Variants in ATP10B observed in about 807,000 individuals in gnomAD.
ATP10B encodes the protein phospholipid-transporting ATPase VB.
In ATP10B, 122 loss-of-function variants were observed where a neutral mutation model predicts 141.2. The ratio of observed to expected loss-of-function variants is 0.86; its 90% CI spans 0.75 to 1.00. ATP10B has a LOEUF of 1.00. ATP10B is among the 50% of genes least tolerant of loss of function. The pLI is 0.00. For missense variants in ATP10B, 1,876 were observed against 1,825.3 expected (o/e 1.03, Z -0.51); for synonymous variants, 685 against 692.0 (o/e 0.99, Z 0.16).
intron 6 of ATP10B, among the ~76,000 whole-genome samples, chr5:160,676,494 C>T (rs929186158): frequency 6.6e-5 from 10 of 152,162 alleles, no homozygotes; most frequent in Non-Finnish European, 1.3e-4. Context: ...TCCTAATTGT[C>T]GTGTGCATCT....
At chr5:160,783,862 G>A (rs948710017) in intron 2 of ATP10B, among the ~76,000 whole-genome samples, 1 of 151,966 alleles carries the variant, frequency 6.6e-6, no homozygotes, top group Non-Finnish European at 1.5e-5. Flanking sequence ...CAGTGTAGAA[G>A]TGTTCCCTGT....
chr5:160,759,913 G>C (rs1457887792), intron 2 of ATP10B, among the ~76,000 whole-genome samples: 1 of 152,144 alleles, frequency 6.6e-6, no homozygotes, highest in Non-Finnish European at 1.5e-5. Flanking sequence ...GAATTTGCTT[G>C]TCAATAGGAA....
At chr5:160,732,679 C>A (rs1002985656) in intron 2 of ATP10B, among the ~76,000 whole-genome samples, 1 of 152,102 alleles carries the variant, frequency 6.6e-6, no homozygotes, top group East Asian at 1.9e-4. Context: ...ATACCAATAC[C>A]TGCTGTTTCA....
intron 5 of ATP10B, chr5:160,686,883 G>T: frequency 1.1e-6 from 1 of 891,784 alleles, no homozygotes; most frequent in Non-Finnish European, 1.3e-6. Flanking sequence ...ACAATATTGA[G>T]GGTGATATAT....
In ATP10B at chr5:160,691,074, G is replaced by C. The variant is rs553682126; in HGVS notation, c.-204-2131C>G. Among the ~76,000 whole-genome samples the C allele has an allele frequency of 1.6e-4, 25 of 152,236 alleles. 1 individual carries two copies. The highest frequency in any genetic ancestry group is 5.8e-4 in the African/African-American group (24 of 41,546). Reference sequence around the variant, plus strand: ...CTTTGTAGGGACATGGATGAAGCTGGAAACCATCATTCTCAGCAAACTAAC... The same window carrying C: ...CTTTGTAGGGACATGGATGAAGCTGCAAACCATCATTCTCAGCAAACTAAC... On this transcript the variant is annotated intron_variant, in intron 3 of 25. Transcript: ENST00000327245.
intron 1 of ATP10B, among the ~76,000 whole-genome samples, chr5:160,805,420 G>A (rs1021969466): frequency 6.6e-6 from 1 of 152,192 alleles, no homozygotes; most frequent in East Asian, 1.9e-4. Context: ...GTGTCTTAAA[G>A]AAGCTATTTA....
intron 7 of ATP10B, among the ~76,000 whole-genome samples, chr5:160,668,193 G>C (rs983660075): frequency 7.3e-6 from 1 of 136,408 alleles, no homozygotes; most frequent in African/African-American, 2.8e-5. Context: ...TTGTGCCACC[G>C]TACTCTAGCT....
chr5:160,805,762 G>T (rs1323005753), intron 1 of ATP10B, among the ~76,000 whole-genome samples: 1 of 152,170 alleles, frequency 6.6e-6, no homozygotes, highest in Non-Finnish European at 1.5e-5. Flanking sequence ...TGAGCAGCCG[G>T]CTCCAGATTT....
intron 1 of ATP10B, among the ~76,000 whole-genome samples, chr5:160,823,065 C>G (rs1168917775): frequency 7.6e-6 from 1 of 131,624 alleles, no homozygotes; most frequent in Non-Finnish European, 1.6e-5. Context: ...GATTGTAACA[C>G]AAAGGATAAA....
rs576196303 is a variant in ATP10B, at chr5:160,817,236, T to C, written c.-575-31433A>G. 8.9e-3 allele frequency among the ~76,000 whole-genome samples: 1,350 copies of C among 152,306 alleles called. 18 individuals carry two copies. Among genetic ancestry groups the C allele is most frequent in the African/African-American group, 0.025 (1,031 of 41,558 alleles). ...TGGTCCCTGTTTGCAGATGACATGA[T>C]TGTATATCTAGAAAACTCCATTGTC... On this transcript the variant is annotated intron_variant, in intron 1 of 25. Transcript: ENST00000327245.
chr5:160,826,225 A>G (rs945065219), intron 1 of ATP10B, among the ~76,000 whole-genome samples: 2 of 152,096 alleles, frequency 1.3e-5, no homozygotes, highest in African/African-American at 2.4e-5. Flanking sequence ...GTTTTGAGCA[A>G]TCTCCAAACT....
the ATP10B span, among the ~76,000 whole-genome samples, chr5:160,895,738 A>C: frequency 6.6e-6 from 1 of 152,232 alleles, no homozygotes; most frequent in Non-Finnish European, 1.5e-5. Flanking sequence ...AAATCAACAG[A>C]ATATACATTC....
chr5:160,603,632 C>T (rs1757221050), intron 20 of ATP10B: 1 of 305,454 alleles, frequency 3.3e-6, no homozygotes, highest in East Asian at 6.3e-5. Context: ...TCAATGCTCT[C>T]TATCCTCATC....
At chr5:160,789,333 A>G (rs1771402089) in intron 1 of ATP10B, among the ~76,000 whole-genome samples, 1 of 152,160 alleles carries the variant, frequency 6.6e-6, no homozygotes, top group Non-Finnish European at 1.5e-5. Context: ...TGTAAACACC[A>G]TAGAGTGAAC....
intron 24 of ATP10B, among the ~76,000 whole-genome samples, chr5:160,584,839 A>T (rs1490810459): frequency 5.9e-5 from 9 of 152,168 alleles, no homozygotes; most frequent in Non-Finnish European, 1.3e-4. Context: ...TTAATAGTGT[A>T]GCTTTTCTAG....
At chr5:160,728,707 A>G (rs1298124451) in intron 2 of ATP10B, among the ~76,000 whole-genome samples, 2 of 152,056 alleles carry the variant, frequency 1.3e-5, no homozygotes, top group African/African-American at 4.8e-5. Context: ...GTCTTGGGGA[A>G]CCCCAAGACA....
chr5:160,607,921 A>G (rs546206664), intron 18 of ATP10B, among the ~76,000 whole-genome samples: 26 of 152,252 alleles, frequency 1.7e-4, no homozygotes, highest in South Asian at 2.1e-4. Flanking sequence ...AGAAAACAGC[A>G]TTATCAATTC....
chr5:160,841,325 A>G (rs971764450), intron 1 of ATP10B, among the ~76,000 whole-genome samples: 13 of 152,198 alleles, frequency 8.5e-5, no homozygotes, highest in Non-Finnish European at 1.5e-4. Flanking sequence ...AGAAGCTTAC[A>G]TGTTACCTTG....
At chr5:160,654,398 C>T (rs984408382) in intron 7 of ATP10B, among the ~76,000 whole-genome samples, 1 of 152,136 alleles carries the variant, frequency 6.6e-6, no homozygotes, top group African/African-American at 2.4e-5. Flanking sequence ...CTTGACCCAG[C>T]CTTTTATCTA....
Sources: gnomAD v4.1 joint callset for allele counts (sites outside exome capture counted in the v4.1 genomes callset) on GRCh38, gnomAD v4.1.1 for gene constraint, MANE v1.5 for transcripts, NCBI Gene and HGNC (gene_info 2026-07-23, HGNC 2026-07-21) for gene names.